The following GLIS3 variants were observed in gnomAD, a reference collection of about 807,000 sequenced individuals.
The protein encoded by GLIS3 is GLIS family zinc finger 3.
Under a neutral mutation model 78.6 loss-of-function variants are expected in GLIS3, and 53 were observed. The observed-to-expected ratio is 0.67, with a 90% CI of 0.54 to 0.85. The LOEUF is 0.85. Ranked by LOEUF, GLIS3 falls within the 40% of genes least tolerant of loss-of-function variation. The pLI, the probability that GLIS3 is intolerant of heterozygous loss-of-function variation, is 0.00. For missense variants in GLIS3, 1,703 were observed against 1,231.1 expected, an observed-to-expected ratio of 1.38 and a Z score of -5.74; for synonymous variants, 684 against 509.9, an observed-to-expected ratio of 1.34 and a Z score of -4.60.
chr9:4,113,057 C>T (rs577958994), intron 4 of GLIS3, among the ~76,000 whole-genome samples: 6 of 151,772 alleles, frequency 4.0e-5, no homozygotes, highest in Admixed American at 6.6e-5. Context: ...TAATATTGCC[C>T]GGTTTGTGTT....
chr9:3,935,467 GA>G (rs1725652472), intron 5 of GLIS3, among the ~76,000 whole-genome samples: 2 of 152,210 alleles, frequency 1.3e-5, no homozygotes, highest in East Asian at 3.9e-4. Flanking sequence ...AATGATTTCT[GA>G]AAATGCTCTT....
upstream of GLIS3, among the ~76,000 whole-genome samples, chr9:4,349,050 AAAT>A (rs1259780097): frequency 6.6e-6 from 1 of 152,240 alleles, no homozygotes; most frequent in African/African-American, 2.4e-5. Flanking sequence ...AATAATAATA[AAAT>A]AATAGGAGAA....
chr9:4,208,922 A>G (rs1046742586), intron 2 of GLIS3, among the ~76,000 whole-genome samples: 7 of 152,174 alleles, frequency 4.6e-5, no homozygotes, highest in African/African-American at 1.7e-4. Flanking sequence ...GGCTGTCTGG[A>G]TGGGAGGAGG....
chr9:4,408,650 C>A, the GLIS3 span, among the ~76,000 whole-genome samples: 11 of 142,000 alleles, frequency 7.7e-5, no homozygotes, highest in Middle Eastern at 3.3e-3. Flanking sequence ...TGGCGTGAAC[C>A]CGGGAGGCGG....
chr9:4,278,344 C>T (rs762929407), intron 2 of GLIS3, among the ~76,000 whole-genome samples: 10 of 152,198 alleles, frequency 6.6e-5, no homozygotes, highest in Non-Finnish European at 1.3e-4. Context: ...TGGGAAAATG[C>T]ATGATTCCAG....
chr9:4,085,639 G>T (rs1828956743), intron 4 of GLIS3, among the ~76,000 whole-genome samples: 1 of 152,154 alleles, frequency 6.6e-6, no homozygotes, highest in Non-Finnish European at 1.5e-5. Context: ...GTTGGAGGTG[G>T]GGCCTGGTGG....
the GLIS3 span, among the ~76,000 whole-genome samples, chr9:4,439,091 C>T: frequency 6.6e-6 from 1 of 152,172 alleles, no homozygotes; most frequent in Middle Eastern, 3.2e-3. Context: ...CTTCAACACG[C>T]TTTCATGTTT....
chr9:4,403,957 A>G, the GLIS3 span, among the ~76,000 whole-genome samples: 19 of 152,192 alleles, frequency 1.2e-4, no homozygotes, highest in Non-Finnish European at 2.6e-4. Context: ...AATAAGATCC[A>G]ATGATCTGTT....
At position 3,932,354 on chromosome 9, in the gene GLIS3, A is replaced by C; in HGVS notation, c.1983+6T>G. The C allele has an allele frequency of 2.5e-6, 4 of 1,603,488 alleles. No homozygotes were observed. In the Admixed American group the frequency reaches 6.7e-5, roughly 27 times the overall value. ...TCCCGACTGGAAGATTCTCTTTTAA[A>C]ATTACCTTTTTCCTTGCTTGTTGCT... On this transcript the variant is annotated splice_donor_region_variant and intron_variant, in intron 6 of 10. Transcript: ENST00000381971.
At chr9:3,863,394 C>T (rs186345099) in intron 8 of GLIS3, among the ~76,000 whole-genome samples, 38 of 152,322 alleles carry the variant, frequency 2.5e-4, no homozygotes, top group Non-Finnish European at 4.6e-4. Context: ...GAAGAAACAG[C>T]CGCTGGGAAG....
At chr9:4,037,933 G>T (rs61372897) in intron 4 of GLIS3, among the ~76,000 whole-genome samples, 1 of 148,840 alleles carries the variant, frequency 6.7e-6, no homozygotes, top group Non-Finnish European at 1.5e-5. Flanking sequence ...CACATTCAGG[G>T]GAGATACAAA....
chr9:4,479,380 T>C, the GLIS3 span, among the ~76,000 whole-genome samples: 2 of 152,220 alleles, frequency 1.3e-5, no homozygotes, highest in Non-Finnish European at 1.5e-5. Flanking sequence ...TGGGCCTTTG[T>C]GGATAAAATC....
chr9:4,019,029 A>G (rs1465839548), intron 4 of GLIS3, among the ~76,000 whole-genome samples: 1 of 152,204 alleles, frequency 6.6e-6, no homozygotes, highest in African/African-American at 2.4e-5. Context: ...GAGGGGCAAG[A>G]AGGTGACGTG....
intron 4 of GLIS3, among the ~76,000 whole-genome samples, chr9:4,103,492 C>A (rs1005651578): frequency 6.6e-6 from 1 of 152,086 alleles, no homozygotes; most frequent in South Asian, 2.1e-4. Context: ...AAGATATAAC[C>A]TTATAATCTC....
At chr9:4,169,607 T>A (rs1816193564) in intron 2 of GLIS3, among the ~76,000 whole-genome samples, 1 of 152,212 alleles carries the variant, frequency 6.6e-6, no homozygotes. Flanking sequence ...GTTTCCTGAT[T>A]TTCACAGTTG....
intron 2 of GLIS3, among the ~76,000 whole-genome samples, chr9:4,341,680 C>T (rs1186576433): frequency 6.6e-6 from 1 of 152,230 alleles, no homozygotes; most frequent in African/African-American, 2.4e-5. Flanking sequence ...CAACCAGTGC[C>T]TCTGGCCAGC....
the GLIS3 span, among the ~76,000 whole-genome samples, chr9:4,384,845 G>A: frequency 1.6e-4 from 24 of 152,138 alleles, no homozygotes; most frequent in Admixed American, 1.3e-3. Flanking sequence ...AAACATATCA[G>A]ATAGAAGACT....
At chr9:4,117,630 G>T in intron 4 of GLIS3, 138 bp downstream of exon 4, 2 of 936,360 alleles carry the variant, frequency 2.1e-6, no homozygotes, top group Non-Finnish European at 3.5e-6. Flanking sequence ...CCTTCCTCAA[G>T]CTGAAGGGGA....
intron 2 of GLIS3, among the ~76,000 whole-genome samples, chr9:4,249,102 G>A (rs968353663): frequency 1.3e-4 from 20 of 152,136 alleles, no homozygotes; most frequent in South Asian, 4.2e-4. Context: ...GGGTTGTCTC[G>A]GCTATATGGG....
Sources: gnomAD v4.1 joint callset for allele counts (sites outside exome capture counted in the v4.1 genomes callset) on GRCh38, gnomAD v4.1.1 for gene constraint, MANE v1.5 for transcripts, NCBI Gene and HGNC (gene_info 2026-07-23, HGNC 2026-07-21) for gene names.